SPIDR: variants seen among roughly 807,000 people sequenced by gnomAD.
SPIDR encodes scaffold protein involved in DNA repair.
Under a neutral mutation model 104.6 loss-of-function variants are expected in SPIDR, and 93 were observed. The ratio of observed to expected loss-of-function variants is 0.89; its 90% confidence interval spans 0.75 to 1.06. The LOEUF is 1.06. SPIDR is among the 50% of genes least tolerant of loss of function. SPIDR has a pLI of 0.00. For synonymous variants in SPIDR, 431 were observed against 416.9 expected (o/e 1.03, Z -0.41); for missense variants, 1,154 against 1,111.2 (o/e 1.04, Z -0.55).
At chr8:47,285,881 A>T (rs1288514842) in intron 3 of SPIDR, among the ~76,000 whole-genome samples, 1 of 152,198 alleles carries the variant, frequency 6.6e-6, no homozygotes, top group African/African-American at 2.4e-5. Context: ...AGTGCCTAGC[A>T]CACAGTGGGC....
chr8:47,608,203 C>A (rs556424824), intron 10 of SPIDR, among the ~76,000 whole-genome samples: 1 of 152,312 alleles, frequency 6.6e-6, no homozygotes, highest in African/African-American at 2.4e-5. Flanking sequence ...AATCACAAAT[C>A]TTTCGTGACT....
chr8:47,323,980 T>G (rs1046951448), intron 5 of SPIDR, among the ~76,000 whole-genome samples: 2 of 152,210 alleles, frequency 1.3e-5, no homozygotes, highest in Non-Finnish European at 2.9e-5. Flanking sequence ...GAATTTTAGT[T>G]TATTGGTCTT....
intron 14 of SPIDR, among the ~76,000 whole-genome samples, chr8:47,711,273 T>G (rs1043504474): frequency 1.3e-5 from 2 of 152,160 alleles, no homozygotes; most frequent in Non-Finnish European, 2.9e-5. Context: ...TGCTCTGGAG[T>G]CAGCCATCTT....
intron 5 of SPIDR, among the ~76,000 whole-genome samples, chr8:47,347,810 T>A (rs1348784038): frequency 2.0e-5 from 3 of 152,190 alleles, no homozygotes; most frequent in Non-Finnish European, 4.4e-5. Context: ...TGGTAGATCT[T>A]CCTCCGTTCC....
At chr8:47,589,099 AGTG>A (rs2060673014) in intron 8 of SPIDR, among the ~76,000 whole-genome samples, 1 of 146,074 alleles carries the variant, frequency 6.8e-6, no homozygotes, top group Non-Finnish European at 1.5e-5. Context: ...AGGGATTGGA[AGTG>A]TTTCCTCCTC....
chr8:47,715,594 A>C (rs1280111713), intron 16 of SPIDR, among the ~76,000 whole-genome samples: 1 of 152,262 alleles, frequency 6.6e-6, no homozygotes, highest in Non-Finnish European at 1.5e-5. Context: ...AACCTAACAT[A>C]CTATGTGATC....
intron 8 of SPIDR, among the ~76,000 whole-genome samples, chr8:47,454,041 G>A (rs1401667506): frequency 3.3e-5 from 5 of 152,116 alleles, no homozygotes; most frequent in Non-Finnish European, 7.4e-5. Flanking sequence ...ACTGTAAACT[G>A]GTTCAACCAT....
At chr8:47,328,818 G>GT (rs1212220199) in intron 5 of SPIDR, among the ~76,000 whole-genome samples, 3 of 151,296 alleles carry the variant, frequency 2.0e-5, no homozygotes, top group East Asian at 1.9e-4. Context: ...ATGTTTCAGG[G>GT]TTTTTTTTCT....
intron 8 of SPIDR, among the ~76,000 whole-genome samples, chr8:47,558,642 G>C (rs373830809): frequency 1.5e-5 from 2 of 130,486 alleles, no homozygotes; most frequent in Admixed American, 7.6e-5. Context: ...CTTTTTTTTT[G>C]TTTCTTTGTT....
chr8:47,656,756 T>C (rs2072898832), intron 10 of SPIDR, among the ~76,000 whole-genome samples: 1 of 152,190 alleles, frequency 6.6e-6, no homozygotes, highest in Non-Finnish European at 1.5e-5. Context: ...TCAAAACAAC[T>C]GCAATATCTG....
At chr8:47,300,122 T>A (rs2041773684) in intron 5 of SPIDR, among the ~76,000 whole-genome samples, 1 of 152,242 alleles carries the variant, frequency 6.6e-6, no homozygotes, top group South Asian at 2.1e-4. Context: ...ATTGCCTCAA[T>A]TTCAGAGCCT....
At chr8:47,617,202 G>A (rs2154433507) in intron 10 of SPIDR, among the ~76,000 whole-genome samples, 1 of 152,244 alleles carries the variant, frequency 6.6e-6, no homozygotes. Context: ...TTTGTCTGGT[G>A]TCTATGAAGT....
At chr8:47,722,308 T>A (rs545090765) in intron 16 of SPIDR, among the ~76,000 whole-genome samples, 2 of 152,224 alleles carry the variant, frequency 1.3e-5, no homozygotes, top group Non-Finnish European at 2.9e-5. Context: ...TACTAGGTCA[T>A]CTGTGAACAG....
chr8:47,427,281 A>G (rs1554685690), intron 7 of SPIDR, among the ~76,000 whole-genome samples: 1 of 149,936 alleles, frequency 6.7e-6, no homozygotes, highest in East Asian at 1.9e-4. Context: ...AACAAGGATT[A>G]CCATTGGAAA....
At chr8:47,354,843 G>C (rs2054213752) in intron 5 of SPIDR, among the ~76,000 whole-genome samples, 1 of 151,252 alleles carries the variant, frequency 6.6e-6, no homozygotes. Context: ...TGGTCTTGCT[G>C]TGTTGCCCAG....
At chr8:47,544,753 G>C (rs1229496857) in intron 8 of SPIDR, among the ~76,000 whole-genome samples, 1 of 152,124 alleles carries the variant, frequency 6.6e-6, no homozygotes, top group Admixed American at 6.5e-5. Context: ...TTGAAATCAC[G>C]TTCATAGCAC....
chr8:47,273,981 TA>T (rs2035852168), intron 1 of SPIDR, among the ~76,000 whole-genome samples: 1 of 152,160 alleles, frequency 6.6e-6, no homozygotes, highest in Non-Finnish European at 1.5e-5. Context: ...ACTAATCCTC[TA>T]ATCACTTGGC....
intron 1 of SPIDR, among the ~76,000 whole-genome samples, chr8:47,269,503 A>G (rs1438405489): frequency 2.0e-5 from 3 of 148,118 alleles, no homozygotes; most frequent in African/African-American, 5.0e-5. Context: ...TGATCCGCCC[A>G]CCTTGGCCTC....
chr8:47,408,158 T>C (rs1309847203), intron 7 of SPIDR, among the ~76,000 whole-genome samples, 197 bp downstream of exon 7: 1 of 152,190 alleles, frequency 6.6e-6, no homozygotes. Context: ...ATAAGCATAC[T>C]CTTATGAAAA....
Sources: allele counts gnomAD v4.1 joint callset (sites outside exome capture counted in the v4.1 genomes callset), GRCh38; gene constraint gnomAD v4.1.1; transcripts MANE v1.5; gene names NCBI Gene and HGNC (gene_info 2026-07-23, HGNC 2026-07-21).